NBEA: variants seen among roughly 807,000 people sequenced by gnomAD.
The protein encoded by NBEA is lysosomal-trafficking regulator 2.
NBEA carries 44 observed loss-of-function variants against 343.4 expected under a neutral mutation model. The observed-to-expected ratio is 0.13, with a 90% confidence interval of 0.10 to 0.16. The LOEUF (loss-of-function observed/expected upper bound fraction) is 0.16, where lower values mean the gene tolerates loss of function less well. Ranked by LOEUF, NBEA falls within the 10% of genes least tolerant of loss-of-function variation. NBEA has a pLI of 1.00. For missense variants in NBEA, 2,555 were observed against 3,631.3 expected (o/e 0.70, Z 7.62); for synonymous variants, 1,175 against 1,238.7 (o/e 0.95, Z 1.08).
At chr13:35,386,837 A>C (rs569930692) in intron 38 of NBEA, among the ~76,000 whole-genome samples, 134 of 152,274 alleles carry the variant, frequency 8.8e-4, no homozygotes, top group African/African-American at 3.1e-3. Context: ...TCAATGTTTT[A>C]AAAATTGAAA....
intron 40 of NBEA, among the ~76,000 whole-genome samples, chr13:35,464,641 C>T (rs1439872316): frequency 1.3e-5 from 2 of 152,100 alleles, no homozygotes; most frequent in African/African-American, 4.8e-5. Context: ...GTTGTATGAC[C>T]TCTAAATTAC....
At chr13:35,238,230 T>C (rs2075322530) in intron 34 of NBEA, among the ~76,000 whole-genome samples, 1 of 152,210 alleles carries the variant, frequency 6.6e-6, no homozygotes, top group South Asian at 2.1e-4. Context: ...CTCACAGAAA[T>C]ATTCAGAGTA....
At chr13:35,102,601 G>T (rs560716594) in intron 11 of NBEA, among the ~76,000 whole-genome samples, 1 of 151,572 alleles carries the variant, frequency 6.6e-6, no homozygotes, top group Non-Finnish European at 1.5e-5. Context: ...TTATTTCCAG[G>T]TATTTGATAT....
intron 1 of NBEA, among the ~76,000 whole-genome samples, chr13:34,975,677 A>C (rs1028891028): frequency 1.3e-5 from 2 of 152,206 alleles, no homozygotes; most frequent in African/African-American, 4.8e-5. Context: ...TTCACAATCT[A>C]TACATCCAAC....
rs79295249 is a variant in NBEA at position 35,157,447 on chromosome 13, G to A, written c.2844+177G>A. Among the ~76,000 whole-genome samples, 1,378 of 152,162 alleles carry A rather than the reference G, an allele frequency of 9.1e-3. 20 individuals carry two copies. The highest frequency in any genetic ancestry group is 0.031 in the African/African-American group (1,301 of 41,524). ...TGTTAGAACTTGAAAGTGGCTTATA[G>A]ATGAATTAATTCAAACCCCAAATTT... is the stretch of plus-strand genomic sequence containing the variant. On this transcript the variant is annotated intron_variant, in intron 21 of 58. Coordinates refer to ENST00000379939, the MANE Select transcript of NBEA (RefSeq NM_001385012.1).
Position 35,492,074 on chromosome 13 carries a change from C to A in NBEA, c.6585+19538C>A, listed in dbSNP as rs539894542. On this transcript the variant is annotated intron_variant, in intron 41 of 58. Transcript: ENST00000379939. Reference sequence around the variant, plus strand: ...AAGAAAAGTAGGATTGAAGACTATTCTAAGTGAAGTAACTCAGGAATGGAA... The same window carrying A: ...AAGAAAAGTAGGATTGAAGACTATTATAAGTGAAGTAACTCAGGAATGGAA... 3.6e-4 allele frequency among the ~76,000 whole-genome samples: 55 copies of A among 152,024 alleles called. No individual in the cohort carries two copies. In the South Asian group the frequency reaches 0.011, roughly 30 times the overall value.
intron 41 of NBEA, among the ~76,000 whole-genome samples, chr13:35,473,796 C>T (rs1209014049): frequency 6.6e-6 from 1 of 152,094 alleles, no homozygotes; most frequent in Admixed American, 6.5e-5. Context: ...ATATATTGGT[C>T]AGAAAGGATC....
chr13:34,995,623 A>AG (rs750709799), intron 1 of NBEA, among the ~76,000 whole-genome samples: 1 of 152,128 alleles, frequency 6.6e-6, no homozygotes, highest in Non-Finnish European at 1.5e-5. Context: ...ACAAAAAAAA[A>AG]CAACTTAATT....
chr13:35,542,040 G>C (rs2078852420), intron 41 of NBEA, among the ~76,000 whole-genome samples: 1 of 151,746 alleles, frequency 6.6e-6, no homozygotes. Flanking sequence ...TTAAGTCTAA[G>C]GTAAGCAGGT....
chr13:35,327,899 A>G (rs1209812148), intron 36 of NBEA, among the ~76,000 whole-genome samples: 1 of 151,926 alleles, frequency 6.6e-6, no homozygotes, highest in Non-Finnish European at 1.5e-5. Context: ...GTCAGCATCT[A>G]TTCCTGATAT....
chr13:35,176,186 T>C (rs564554197), intron 27 of NBEA, among the ~76,000 whole-genome samples: 40 of 152,224 alleles, frequency 2.6e-4, no homozygotes, highest in Middle Eastern at 3.4e-3. Context: ...TATGGCGTGC[T>C]GCCAAGGAAT....
intron 1 of NBEA, among the ~76,000 whole-genome samples, chr13:34,944,579 C>G (rs1044265589): frequency 6.6e-6 from 1 of 152,116 alleles, no homozygotes. Flanking sequence ...TTGATATAAC[C>G]AAGTTCTTTT....
At chr13:34,999,607 A>T (rs1363547581) in intron 1 of NBEA, among the ~76,000 whole-genome samples, 1 of 151,994 alleles carries the variant, frequency 6.6e-6, no homozygotes, top group African/African-American at 2.4e-5. Flanking sequence ...GATTTTTTTT[A>T]AAAAAATAAG....
At chr13:35,648,015 AC>A (rs1329324750) in intron 51 of NBEA, among the ~76,000 whole-genome samples, 1 of 151,754 alleles carries the variant, frequency 6.6e-6, no homozygotes, top group African/African-American at 2.4e-5. Flanking sequence ...AGCTGGGACT[AC>A]GGGTGTGTGC....
In NBEA at chr13:35,222,473, G is replaced by A. The variant is rs1047988793; in HGVS notation, c.5649-10019G>A. 4.5e-4 allele frequency among the ~76,000 whole-genome samples: 68 copies of A among 152,052 alleles called. 1 individual carries two copies. The highest frequency in any genetic ancestry group is 1.5e-3 in the African/African-American group (64 of 41,522). On this transcript the variant is annotated intron_variant, in intron 33 of 58. Transcript: ENST00000379939. The stretch of plus-strand genomic sequence containing the variant: ...GATTGTATTGATATCTACCAATTTG[G>A]TAATTGTTTTAGAATAAATTGTTAC...
chr13:35,279,569 A>C (rs2034900741), intron 34 of NBEA, among the ~76,000 whole-genome samples: 1 of 152,226 alleles, frequency 6.6e-6, no homozygotes, highest in Non-Finnish European at 1.5e-5. Context: ...GATTATTAGC[A>C]ATAGTCACCT....
chr13:35,015,521 ATT>A (rs2061627710), intron 1 of NBEA, among the ~76,000 whole-genome samples: 1 of 151,984 alleles, frequency 6.6e-6, no homozygotes, highest in South Asian at 2.1e-4. Flanking sequence ...TTTTTTTAAT[ATT>A]GTCAGTTTTC....
intron 31 of NBEA, among the ~76,000 whole-genome samples, chr13:35,204,327 A>C (rs1350555244): frequency 6.6e-6 from 1 of 152,146 alleles, no homozygotes; most frequent in Non-Finnish European, 1.5e-5. Flanking sequence ...TAAAAGGTTT[A>C]ATTGGACTTA....
intron 31 of NBEA, among the ~76,000 whole-genome samples, chr13:35,200,163 C>T (rs1258018949): frequency 2.0e-5 from 3 of 151,770 alleles, no homozygotes; most frequent in South Asian, 4.2e-4. Flanking sequence ...AATCAAGTTG[C>T]CAAGTTCTCT....
Sources: allele counts gnomAD v4.1 joint callset (sites outside exome capture counted in the v4.1 genomes callset), GRCh38; gene constraint gnomAD v4.1.1; transcripts MANE v1.5; gene names NCBI Gene and HGNC (gene_info 2026-07-23, HGNC 2026-07-21).